The following NAA38 variants were observed in gnomAD, a reference collection of about 807,000 sequenced individuals.
NAA38 encodes N-alpha-acetyltransferase 38, NatC auxiliary subunit.
A neutral mutation model predicts 12.6 loss-of-function variants in NAA38; 15 were observed. That is an observed-to-expected ratio of 1.19 (90% CI 0.79 to 1.83). The LOEUF is 1.83. Ranked by LOEUF, NAA38 falls within the 40% of genes most tolerant of loss-of-function variation. NAA38 has a pLI of 0.00. For synonymous variants in NAA38, 88 were observed against 69.9 expected, an observed-to-expected ratio of 1.26 and a Z score of -1.29; for missense variants, 183 against 171.7, an observed-to-expected ratio of 1.07 and a Z score of -0.37.
intron 3 of NAA38, chr17:7,863,445 A>G (rs1966908072): frequency 6.6e-6 from 1 of 152,186 alleles, no homozygotes; most frequent in South Asian, 2.1e-4. Flanking sequence ...TGAGGTCCCT[A>G]CATGCCCACA....
intron 2 of NAA38, among the ~76,000 whole-genome samples, chr17:7,869,150 T>C (rs1567816860): frequency 6.6e-6 from 1 of 152,342 alleles, no homozygotes; most frequent in East Asian, 1.9e-4. Flanking sequence ...AGTACCTTAT[T>C]ACAGCCAGTG....
chr17:7,856,688 G>A lies in NAA38; in HGVS notation c.*43C>T. ...GCTACACACAGACACAGGCCCATTC[G>A]GTCATAAGTTTAATGAAGTCTGAAA... On this transcript the variant is annotated 3_prime_UTR_variant, in exon 3 of 3. Transcript: ENST00000575771. 6.6e-7 allele frequency: 1 copy of A among 1,508,880 alleles called. No homozygotes were observed. The highest frequency in any genetic ancestry group is 9.2e-7 in the Non-Finnish European group (1 of 1,085,712). 93.5% of individuals were successfully genotyped at this position (1,508,880 alleles called of 1,614,324 possible).
chr17:7,866,911 C>G (rs1351253923), intron 2 of NAA38, among the ~76,000 whole-genome samples: 1 of 152,082 alleles, frequency 6.6e-6, no homozygotes, highest in Non-Finnish European at 1.5e-5. Flanking sequence ...ACAGAATGAA[C>G]AAATATTTGG....
At chr17:7,863,295 T>G (rs1466998809) in intron 3 of NAA38, 1 of 152,132 alleles carries the variant, frequency 6.6e-6, no homozygotes, top group Non-Finnish European at 1.5e-5. Context: ...AGAACATGAG[T>G]GTAGGGTCCA....
At chr17:7,868,490 C>G (rs2151389686) in intron 2 of NAA38, among the ~76,000 whole-genome samples, 1 of 152,232 alleles carries the variant, frequency 6.6e-6, no homozygotes, top group Middle Eastern at 3.4e-3. Context: ...ATTTAAATAC[C>G]TTCCTTTGGA....
intron 2 of NAA38, among the ~76,000 whole-genome samples, chr17:7,877,651 T>C (rs937580662): frequency 3.9e-5 from 6 of 152,192 alleles, no homozygotes; most frequent in African/African-American, 1.4e-4. Context: ...ACCCTATGCA[T>C]AAGTATGGTG....
intron 2 of NAA38, among the ~76,000 whole-genome samples, chr17:7,873,721 G>A (rs956184857): frequency 6.6e-6 from 1 of 152,148 alleles, no homozygotes; most frequent in Non-Finnish European, 1.5e-5. Flanking sequence ...AGGACAGGAG[G>A]ACAGGATAAA....
intron 1 of NAA38, chr17:7,884,937 A>AG: frequency 7.4e-7 from 1 of 1,351,434 alleles, no homozygotes; most frequent in Non-Finnish European, 9.7e-7. Context: ...GAGGACGATG[A>AG]GGAGGACGAC....
At chr17:7,866,488 T>C in intron 3 of NAA38, 2 of 1,231,536 alleles carry the variant, frequency 1.6e-6, no homozygotes, top group Non-Finnish European at 2.0e-6. Flanking sequence ...TAGAAACCCT[T>C]ACCATGGTCC....
At chr17:7,875,433 T>G (rs575025864) in intron 2 of NAA38, among the ~76,000 whole-genome samples, 1 of 152,216 alleles carries the variant, frequency 6.6e-6, no homozygotes, top group African/African-American at 2.4e-5. Context: ...GCTCCTGGGC[T>G]GAGCTCTCCT....
chr17:7,881,068 A>AAAGC (rs1464443899), intron 2 of NAA38, among the ~76,000 whole-genome samples: 1 of 152,156 alleles, frequency 6.6e-6, no homozygotes, highest in Non-Finnish European at 1.5e-5. Context: ...AACACAAGCA[A>AAAGC]AAGCAAGCAA....
intron 1 of NAA38, among the ~76,000 whole-genome samples, chr17:7,884,293 G>A (rs1490489611): frequency 6.7e-6 from 1 of 150,166 alleles, no homozygotes; most frequent in South Asian, 2.1e-4. Flanking sequence ...CTTTATGGAG[G>A]GGGTGGCGGT....
chr17:7,881,093 A>G (rs966137649), intron 2 of NAA38, among the ~76,000 whole-genome samples: 5 of 152,212 alleles, frequency 3.3e-5, no homozygotes, highest in South Asian at 2.1e-4. Context: ...AAAGACTTGT[A>G]TATGTGTAGA....
upstream of NAA38, chr17:7,860,629 C>T (rs892441663): frequency 3.3e-5 from 5 of 152,196 alleles, no homozygotes; most frequent in Non-Finnish European, 7.3e-5. Flanking sequence ...TTTGTAGCCA[C>T]TGCTCTCAGC....
intron 1 of NAA38, chr17:7,885,012 G>A: frequency 8.1e-7 from 1 of 1,233,578 alleles, no homozygotes; most frequent in Non-Finnish European, 1.0e-6. Context: ...AGCCCCCCCG[G>A]CTGCCACCTC....
At chr17:7,859,559 C>T (rs1311494115), upstream of NAA38, 31 of 1,614,064 alleles carry the variant, frequency 1.9e-5, no homozygotes, top group Non-Finnish European at 2.5e-5. Context: ...GGACGGTACA[C>T]TTCACACACC....
At chr17:7,873,915 T>G (rs1368081653) in intron 2 of NAA38, among the ~76,000 whole-genome samples, 1 of 152,156 alleles carries the variant, frequency 6.6e-6, no homozygotes, top group Non-Finnish European at 1.5e-5. Context: ...GAAGTCACTG[T>G]GGAGAACTAA....
chr17:7,878,204 A>G (rs1389221240), intron 2 of NAA38, among the ~76,000 whole-genome samples: 2 of 152,138 alleles, frequency 1.3e-5, no homozygotes, highest in East Asian at 1.9e-4. Context: ...TAAGTTAAAG[A>G]AAGGTGAGTG....
At chr17:7,860,717 T>C (rs1597874965), upstream of NAA38, 1 of 152,208 alleles carries the variant, frequency 6.6e-6, no homozygotes, top group African/African-American at 2.4e-5. Flanking sequence ...TTTGCAGTTA[T>C]TGTCTCTGGA....
Sources: allele counts gnomAD v4.1 joint callset (sites outside exome capture counted in the v4.1 genomes callset), GRCh38; gene constraint gnomAD v4.1.1; transcripts MANE v1.5; gene names NCBI Gene and HGNC (gene_info 2026-07-23, HGNC 2026-07-21).